MCM10: variants seen among roughly 807,000 people sequenced by gnomAD.
The protein encoded by MCM10 is minichromosome maintenance 10 replication initiation factor.
A neutral mutation model predicts 109.9 loss-of-function variants in MCM10; 91 were observed. That is an observed-to-expected ratio of 0.83 (90% CI 0.70 to 0.99). The LOEUF (loss-of-function observed/expected upper bound fraction) is 0.99, where lower values mean the gene tolerates loss of function less well. Ranked by LOEUF, MCM10 falls within the 50% of genes least tolerant of loss-of-function variation. MCM10 has a pLI of 0.00. For missense variants in MCM10, 1,077 were observed against 1,061.2 expected (o/e 1.01, Z -0.21); for synonymous variants, 380 against 387.2 (o/e 0.98, Z 0.22).
chr10:13,183,691 C>CT (rs34793677), intron 8 of MCM10, among the ~76,000 whole-genome samples: 3,768 of 147,292 alleles, frequency 0.026, 79 homozygotes, highest in South Asian at 0.083. Context: ...TTCATACCTT[C>CT]TTTTTTTTTT....
intron 1 of MCM10, 122 bp from the exon 2 acceptor site, chr10:13,164,006 G>C (rs998064884): frequency 7.4e-6 from 3 of 404,424 alleles, no homozygotes; most frequent in African/African-American, 6.2e-5. Flanking sequence ...GAAATGGTCA[G>C]ATTCTGGATG....
chr10:13,191,039 C>CTT (rs113096192), intron 10 of MCM10, among the ~76,000 whole-genome samples: 4 of 151,352 alleles, frequency 2.6e-5, no homozygotes, highest in African/African-American at 9.7e-5. Context: ...AAAGCATTGG[C>CTT]TTTTTTTTTA....
Position 13,211,031 on chromosome 10 carries a change from A to C in MCM10, c.*1721A>C, listed in dbSNP as rs1834655266. On this transcript the variant is annotated 3_prime_UTR_variant, in exon 20 of 20. Transcript: ENST00000378714. Reference sequence around the variant, plus strand: ...TATAAGTTGTATAATATGCTTGTAAAGGCTGAGGGTGAGCTGTATCTGGAT... The same window carrying C: ...TATAAGTTGTATAATATGCTTGTAACGGCTGAGGGTGAGCTGTATCTGGAT... The C allele has an allele frequency of 6.6e-6, 1 of 152,192 alleles. No homozygotes were observed. Among genetic ancestry groups the C allele is most frequent in the Non-Finnish European group, 1.5e-5 (1 of 68,036 alleles). 9.4% of individuals were successfully genotyped at this position (152,192 alleles called of 1,614,324 possible).
At chr10:13,174,956 C>T (rs1432983985) in intron 5 of MCM10, among the ~76,000 whole-genome samples, 2 of 151,972 alleles carry the variant, frequency 1.3e-5, no homozygotes, top group African/African-American at 4.8e-5. Flanking sequence ...TGGAGAAACC[C>T]CATCCCTACT....
chr10:13,165,038 G>T (rs187854756), intron 2 of MCM10, among the ~76,000 whole-genome samples: 1 of 152,246 alleles, frequency 6.6e-6, no homozygotes, highest in Admixed American at 6.5e-5. Context: ...TCCTCACACT[G>T]TGATGCACAG....
intron 2 of MCM10, among the ~76,000 whole-genome samples, chr10:13,167,436 T>C (rs1386217883): frequency 6.6e-6 from 1 of 152,058 alleles, no homozygotes; most frequent in African/African-American, 2.4e-5. Context: ...CAGTTGTGCT[T>C]TGCTGTGATG....
chr10:13,184,411 A>G (rs1027868264), intron 8 of MCM10, among the ~76,000 whole-genome samples: 2 of 152,210 alleles, frequency 1.3e-5, no homozygotes, highest in South Asian at 2.1e-4. Context: ...GTGAATTTTC[A>G]TCTTCTCAAA....
At chr10:13,202,738 T>A (rs1260627760) in intron 17 of MCM10, among the ~76,000 whole-genome samples, 1 of 152,180 alleles carries the variant, frequency 6.6e-6, no homozygotes, top group Non-Finnish European at 1.5e-5. Flanking sequence ...GACACAGCGG[T>A]GGACCTGCAG....
intron 1 of MCM10, among the ~76,000 whole-genome samples, chr10:13,162,593 A>G (rs1380112145): frequency 6.6e-6 from 1 of 152,130 alleles, no homozygotes; most frequent in East Asian, 1.9e-4. Flanking sequence ...GGACCACAGT[A>G]CTTGTCAGTG....
rs1040173303 is a variant in MCM10 at position 13,172,124 on chromosome 10, A to C, written c.350-252A>C. ...ACTTGTTAACTGTGGATTTTATTTG[A>C]TATCTCTTAATAGTAAAGATTTATA... is the stretch of plus-strand genomic sequence containing the variant. On this transcript the variant is annotated intron_variant, in intron 3 of 19. Transcript: ENST00000378714. The surrounding 1 kb of genome is among the most constrained non-coding windows in gnomAD (Gnocchi z 5.2). 6.6e-6 allele frequency among the ~76,000 whole-genome samples: 1 copy of C among 152,040 alleles called. No homozygotes were observed. Among genetic ancestry groups the C allele is most frequent in the Non-Finnish European group, 1.5e-5 (1 of 68,008 alleles).
At chr10:13,168,138 G>A (rs947789499) in intron 2 of MCM10, among the ~76,000 whole-genome samples, 5 of 152,220 alleles carry the variant, frequency 3.3e-5, no homozygotes, top group Non-Finnish European at 5.9e-5. Flanking sequence ...CCTCTTCCCG[G>A]GGTGTGCCCT....
At chr10:13,192,872 T>C (rs1483764841) in intron 13 of MCM10, among the ~76,000 whole-genome samples, 1 of 151,660 alleles carries the variant, frequency 6.6e-6, no homozygotes, top group East Asian at 1.9e-4. Flanking sequence ...ATGCTGGCTG[T>C]CATTTTCTCT....
chr10:13,163,618 A>G (rs1283053234), intron 1 of MCM10, among the ~76,000 whole-genome samples: 2 of 150,788 alleles, frequency 1.3e-5, no homozygotes, highest in Non-Finnish European at 3.0e-5. Context: ...GTCGTGGATA[A>G]CGCAGATGTC....
Position 13,172,234 on chromosome 10 carries a change from C to A in MCM10, c.350-142C>A. 1.5e-6 allele frequency: 1 copy of A among 655,192 alleles called. No homozygotes were observed. Among genetic ancestry groups the A allele is most frequent in the Non-Finnish European group, 2.8e-6 (1 of 363,536 alleles). The allele number at this position is 655,192 out of a possible 1,614,324, so 40.6% of individuals were successfully genotyped here. Reference sequence around the variant, plus strand: ...ACCTCTTTGAAGTACCAAAGTTAATCATGAGCTTTGGGTATGTGATTATAT... The same window carrying A: ...ACCTCTTTGAAGTACCAAAGTTAATAATGAGCTTTGGGTATGTGATTATAT... On this transcript the variant is annotated intron_variant, in intron 3 of 19. Transcript: ENST00000378714. The surrounding 1 kb of genome is among the most constrained non-coding windows in gnomAD (Gnocchi z 5.2).
At chr10:13,174,903 C>T (rs931826825) in intron 5 of MCM10, among the ~76,000 whole-genome samples, 4 of 151,546 alleles carry the variant, frequency 2.6e-5, no homozygotes, top group South Asian at 2.1e-4. Context: ...CTGAGGCAGG[C>T]GGATCACCTG....
chr10:13,173,595 C>T (rs1250404067), intron 5 of MCM10, among the ~76,000 whole-genome samples: 3 of 152,148 alleles, frequency 2.0e-5, no homozygotes, highest in Admixed American at 2.0e-4. Context: ...TTGGAGGACA[C>T]AGCATTTTAT....
chr10:13,172,719 A>G lies in MCM10; in HGVS notation c.546A>G (p.Leu182=), dbSNP rs1162318076. 1.9e-6 allele frequency: 3 copies of G among 1,614,006 alleles called. No individual in the cohort carries two copies. Among genetic ancestry groups the G allele is most frequent in the East Asian group, 2.2e-5 (1 of 44,892 alleles). The change falls in exon 5 of 20, where the codon CTA becomes CTG. Residue 182 remains leucine, a synonymous_variant. Coordinates refer to ENST00000378714, the MANE Select transcript of MCM10 (RefSeq NM_018518.5). This position sits in a 1 kb window ranked among gnomAD's most constrained non-coding sequence, Gnocchi z 5.2. The part of the protein sequence containing the change: ...CFSAELDVPA[L]PRTKRVARTP... ...CTGCGGAGCTTGATGTCCCTGCGCTACCAAGAACCAAGAGGGTGGCTCGAA... is the reference window on the plus strand; with the variant it reads ...CTGCGGAGCTTGATGTCCCTGCGCTGCCAAGAACCAAGAGGGTGGCTCGAA...
chr10:13,202,991 C>G (rs768212255), intron 17 of MCM10, among the ~76,000 whole-genome samples: 1 of 151,980 alleles, frequency 6.6e-6, no homozygotes, highest in African/African-American at 2.4e-5. Context: ...ATTACAGGCA[C>G]GCACCACACT....
intron 2 of MCM10, among the ~76,000 whole-genome samples, chr10:13,170,306 A>G (rs977984531): frequency 1.3e-5 from 2 of 152,162 alleles, no homozygotes; most frequent in Non-Finnish European, 2.9e-5. Flanking sequence ...AAACAACAAA[A>G]TGTTAATGAT....
Sources: gnomAD v4.1 joint callset for allele counts (sites outside exome capture counted in the v4.1 genomes callset) on GRCh38, gnomAD v4.1.1 for gene constraint, Gnocchi (gnomAD v3.1) non-coding constraint, MANE v1.5 for transcripts, NCBI Gene and HGNC (gene_info 2026-07-23, HGNC 2026-07-21) for gene names.